The following FILIP1L variants were observed in gnomAD, a reference collection of about 807,000 sequenced individuals.
FILIP1L encodes filamin A interacting protein 1 like, also known as filamin A-interacting protein 1-like.
A neutral mutation model predicts 96.6 loss-of-function variants in FILIP1L; 55 were observed. The observed-to-expected ratio is 0.57, with a 90% CI of 0.46 to 0.71. FILIP1L has a LOEUF of 0.71. FILIP1L is among the 30% of genes least tolerant of loss of function. FILIP1L has a pLI of 0.00. For missense variants in FILIP1L, 1,304 were observed against 1,321.2 expected, an observed-to-expected ratio of 0.99 and a Z score of 0.20; for synonymous variants, 467 against 473.9, an observed-to-expected ratio of 0.99 and a Z score of 0.19.
At chr3:100,109,137 A>G (rs1384199536) in intron 1 of FILIP1L, among the ~76,000 whole-genome samples, 3 of 151,340 alleles carry the variant, frequency 2.0e-5, no homozygotes, top group Non-Finnish European at 4.4e-5. Flanking sequence ...TCAGGCCTCA[A>G]TTCTTCCGCT....
At chr3:100,034,001 G>A (rs2065064268) in intron 1 of FILIP1L, among the ~76,000 whole-genome samples, 1 of 152,156 alleles carries the variant, frequency 6.6e-6, no homozygotes, top group South Asian at 2.1e-4. Context: ...CACACAGTAT[G>A]GTTATTTGAT....
chr3:99,928,700 T>G, intron 3 of FILIP1L, among the ~76,000 whole-genome samples: 1 of 152,198 alleles, frequency 6.6e-6, no homozygotes, highest in South Asian at 2.1e-4. Flanking sequence ...TTTGTTAGGG[T>G]TATGTTCAGA....
chr3:99,985,286 C>G (rs549073528), intron 1 of FILIP1L, among the ~76,000 whole-genome samples: 1 of 152,142 alleles, frequency 6.6e-6, no homozygotes, highest in Admixed American at 6.5e-5. Context: ...AATTCCAACA[C>G]TTTGGTAGGC....
At chr3:99,851,194 A>G (rs1426317899) in intron 4 of FILIP1L, 124 bp from the exon 5 acceptor site, 12 of 726,942 alleles carry the variant, frequency 1.7e-5, no homozygotes, top group Non-Finnish European at 2.3e-5. Flanking sequence ...CATATACAAT[A>G]TGCAAAAGAG....
At chr3:99,902,979 T>A (rs1706486415) in intron 4 of FILIP1L, among the ~76,000 whole-genome samples, 1 of 152,206 alleles carries the variant, frequency 6.6e-6, no homozygotes, top group Non-Finnish European at 1.5e-5. Flanking sequence ...AACCTAGAAC[T>A]GTTAGAATCT....
rs548473657 is a variant in FILIP1L at position 99,943,582 on chromosome 3, T to A, written c.-10-12552A>T. Among the ~76,000 whole-genome samples the A allele has an allele frequency of 8.5e-5, 13 of 152,148 alleles. No homozygotes were observed. The South Asian group carries it at 1.9e-3, about 22-fold the overall frequency. ...AGCCGGGCGTGGTGGCATGCGCCTG[T>A]AGTCCCAGCTACTCGGGAGGCTGAG... On this transcript the variant is annotated intron_variant, in intron 1 of 5. Coordinates refer to ENST00000477258, the MANE Select transcript of FILIP1L (RefSeq NM_001387850.1).
intron 1 of FILIP1L, among the ~76,000 whole-genome samples, chr3:100,008,678 C>T (rs190661757): frequency 6.6e-6 from 1 of 152,356 alleles, no homozygotes; most frequent in African/African-American, 2.4e-5. Context: ...CAACATTCAG[C>T]ATTGTACTTC....
At chr3:100,047,017 C>T (rs1306295999) in intron 1 of FILIP1L, among the ~76,000 whole-genome samples, 2 of 152,144 alleles carry the variant, frequency 1.3e-5, no homozygotes, top group Non-Finnish European at 2.9e-5. Context: ...ACAGTGCTCC[C>T]GACTTGAGTT....
intron 1 of FILIP1L, chr3:100,040,042 C>G (rs970438003): frequency 6.6e-6 from 1 of 152,108 alleles, no homozygotes; most frequent in African/African-American, 2.4e-5. Flanking sequence ...CATGAGCCAC[C>G]GTGCCTGGCC....
intron 1 of FILIP1L, among the ~76,000 whole-genome samples, chr3:100,111,786 G>C (rs899295634): frequency 7.2e-5 from 11 of 152,140 alleles, no homozygotes; most frequent in African/African-American, 2.7e-4. Context: ...TCTATAGCTT[G>C]CACCAAAATG....
chr3:99,949,467 G>A (rs1559700195), intron 1 of FILIP1L, among the ~76,000 whole-genome samples: 1 of 152,200 alleles, frequency 6.6e-6, no homozygotes, highest in Non-Finnish European at 1.5e-5. Flanking sequence ...ATGCATAACT[G>A]TCTGTGCTTC....
chr3:99,930,799 A>T lies in FILIP1L; in HGVS notation c.222T>A (p.Phe74Leu), dbSNP rs1223158380. The change falls in exon 2 of 6, where the codon TTT becomes TTA. Residue 74 changes from phenylalanine to leucine, a missense_variant. Physicochemically the swap from Phe to Leu is conservative, Grantham distance 22. Transcript: ENST00000477258. ...GTTCTCCCTCCAGAATGCTGAGGAG[A>T]AATAACAGGTCATCTCTTGAGAGGT... ...AEDLSRDDLL[F>L]LLSILEGELQ... is the part of the protein sequence containing the mutation. 1.2e-6 allele frequency: 2 copies of T among 1,612,916 alleles called. No homozygotes were observed. Among genetic ancestry groups the T allele is most frequent in the African/African-American group, 2.7e-5 (2 of 74,594 alleles).
intron 4 of FILIP1L, among the ~76,000 whole-genome samples, chr3:99,900,561 G>T (rs149433354): frequency 6.6e-6 from 1 of 152,170 alleles, no homozygotes; most frequent in African/African-American, 2.4e-5. Context: ...CATACCTTTA[G>T]CCCTATGTTA....
At chr3:99,878,839 C>A (rs763033973) in intron 4 of FILIP1L, among the ~76,000 whole-genome samples, 23 of 152,178 alleles carry the variant, frequency 1.5e-4, no homozygotes, top group Non-Finnish European at 2.8e-4. Flanking sequence ...CGCCATTGGC[C>A]ACATAAGTAG....
At chr3:100,062,332 C>T (rs2065587007) in intron 1 of FILIP1L, among the ~76,000 whole-genome samples, 1 of 151,804 alleles carries the variant, frequency 6.6e-6, no homozygotes, top group South Asian at 2.1e-4. Context: ...AGAATGGTCT[C>T]GATCTCCTGA....
chr3:99,832,861 GT>G lies in FILIP1L; in HGVS notation c.3382-2257del, dbSNP rs532780860. ...TCTCAAAAAAAAAAAAAAAAAAGTT[GT>G]TTTTTTTTTTTTTCTTGTATGACTT... On this transcript the variant is annotated intron_variant, in intron 5 of 5. Transcript: ENST00000477258. Among the ~76,000 whole-genome samples, 27 of 133,826 alleles carry G rather than the reference GT, an allele frequency of 2.0e-4. No homozygotes were observed. The South Asian group carries it at 3.3e-3, about 16-fold the overall frequency. The allele number at this position is 133,826 out of a possible 152,430, so 87.8% of individuals were successfully genotyped here.
chr3:100,030,053 A>T (rs929661568), intron 1 of FILIP1L, among the ~76,000 whole-genome samples: 1 of 152,186 alleles, frequency 6.6e-6, no homozygotes, highest in Non-Finnish European at 1.5e-5. Flanking sequence ...AATGAAGAAA[A>T]TCAGAACTGG....
chr3:100,106,867 A>T (rs1202033316), intron 1 of FILIP1L, among the ~76,000 whole-genome samples: 5 of 152,148 alleles, frequency 3.3e-5, no homozygotes, highest in African/African-American at 1.2e-4. Context: ...GTTGCTTTTT[A>T]AAAATATGCA....
intron 4 of FILIP1L, among the ~76,000 whole-genome samples, chr3:99,911,192 CA>C (rs1448505205): frequency 4.6e-5 from 7 of 151,946 alleles, no homozygotes; most frequent in African/African-American, 1.7e-4. Context: ...TGTATTTCTT[CA>C]ATCCTATTTG....
Sources: allele counts gnomAD v4.1 joint callset (sites outside exome capture counted in the v4.1 genomes callset), GRCh38; gene constraint gnomAD v4.1.1; transcripts MANE v1.5; gene names NCBI Gene and HGNC (gene_info 2026-07-23, HGNC 2026-07-21).